Variants in IL16 observed in about 807,000 individuals in gnomAD.
IL16 encodes interleukin 16.
A neutral mutation model predicts 110.1 loss-of-function variants in IL16; 67 were observed. The ratio of observed to expected loss-of-function variants is 0.61; its 90% CI spans 0.50 to 0.75. The LOEUF (loss-of-function observed/expected upper bound fraction) is 0.75. IL16 is among the 30% of genes least tolerant of loss of function. The pLI, the probability that IL16 is intolerant of heterozygous loss-of-function variation, is 0.00. For missense variants in IL16, 1,545 were observed against 1,655.0 expected (o/e 0.93, Z 1.15); for synonymous variants, 689 against 662.9 (o/e 1.04, Z -0.61).
At position 81,309,393 on chromosome 15, in the gene IL16, C is replaced by T. The variant is rs1278500910; in HGVS notation, c.*595C>T. On this transcript the variant is annotated 3_prime_UTR_variant, in exon 19 of 19. Coordinates refer to ENST00000683961, the MANE Select transcript of IL16 (RefSeq NM_172217.5). ...CCTTGTGGCCTGGGCCTCCTCACAA[C>T]ATGGTGTCTGGATTCCCAGGATGAG... is the stretch of plus-strand genomic sequence containing the variant. 1 of 152,564 alleles carries T rather than the reference C, an allele frequency of 6.6e-6. No homozygotes were observed. The highest frequency in any genetic ancestry group is 1.9e-4 in the East Asian group (1 of 5,236). The allele number at this position is 152,564 out of a possible 1,614,324, so 9.5% of individuals were successfully genotyped here.
At chr15:81,207,762 C>G (rs1390982570) in intron 1 of IL16, among the ~76,000 whole-genome samples, 2 of 151,834 alleles carry the variant, frequency 1.3e-5, no homozygotes, top group African/African-American at 4.8e-5. Flanking sequence ...TTTCTTTACT[C>G]CACCGTTAAT....
intron 2 of IL16, among the ~76,000 whole-genome samples, chr15:81,243,062 C>T (rs1897389383): frequency 6.9e-6 from 1 of 144,470 alleles, no homozygotes; most frequent in Admixed American, 7.0e-5. Context: ...AGAATAATTC[C>T]ACTTGGTCAT....
chr15:81,243,159 A>T (rs1352775705), intron 2 of IL16, among the ~76,000 whole-genome samples: 8 of 33,012 alleles, frequency 2.4e-4, no homozygotes, highest in Admixed American at 4.4e-4. Context: ...ATATATATAT[A>T]TATATTTTTT....
chr15:81,296,137 T>C (rs1372440229), intron 12 of IL16, among the ~76,000 whole-genome samples: 1 of 152,248 alleles, frequency 6.6e-6, no homozygotes, highest in African/African-American at 2.4e-5. Context: ...ACTCTGTTTA[T>C]GAAGCAGACA....
At chr15:81,281,729 C>A (rs1596028503) in intron 8 of IL16, among the ~76,000 whole-genome samples, 2 of 152,116 alleles carry the variant, frequency 1.3e-5, no homozygotes, top group South Asian at 4.1e-4. Context: ...GTTACTCAAG[C>A]CAAACAGATC....
chr15:81,249,781 A>C (rs901778001), intron 2 of IL16, among the ~76,000 whole-genome samples: 1 of 152,098 alleles, frequency 6.6e-6, no homozygotes, highest in Non-Finnish European at 1.5e-5. Flanking sequence ...TATTATTCCT[A>C]TTCCCTTCTT....
intron 16 of IL16, 59 bp from the exon 17 acceptor site, chr15:81,305,849 G>C: frequency 6.3e-7 from 1 of 1,579,482 alleles, no homozygotes; most frequent in Non-Finnish European, 8.6e-7. Context: ...TCCTCCTCCA[G>C]CAAGTATGTG....
Position 81,303,256 on chromosome 15 carries a change from AT to A in IL16, c.3319-290del, listed in dbSNP as rs1167855703. 1.2e-5 allele frequency: 4 copies of A among 328,334 alleles called. No individual in the cohort carries two copies. In the East Asian group the frequency reaches 2.5e-4, roughly 20 times the overall value. 20.3% of individuals were successfully genotyped at this position (328,334 alleles called of 1,614,324 possible). A position where few individuals can be genotyped will look rare whatever the true frequency, so the allele number is the denominator to read the frequency against. On this transcript the variant is annotated intron_variant, in intron 15 of 18. Transcript: ENST00000683961. This position sits in a 1 kb window ranked among gnomAD's most constrained non-coding sequence, Gnocchi z 4.1. ...TCATCTCACACTGTCCAATATGCTG[AT>A]TTCTGGCTGACTTCATGGCACTCCC...
At chr15:81,275,362 GGGGGGAGGGGA>G (rs1898857165) in intron 6 of IL16, among the ~76,000 whole-genome samples, 1 of 102,512 alleles carries the variant, frequency 9.8e-6, no homozygotes, top group Non-Finnish European at 2.0e-5. Flanking sequence ...GGGGAGGAGG[GGGGGGAGGGGA>G]GGGGAGGGGA....
At chr15:81,259,719 C>T in intron 2 of IL16, 53 bp from the exon 3 acceptor site, 1 of 1,278,542 alleles carries the variant, frequency 7.8e-7, no homozygotes, top group Non-Finnish European at 1.1e-6. Flanking sequence ...TTTTGCTAAG[C>T]ACAAGTTTTC....
chr15:81,285,520 T>C (rs1899405653), intron 9 of IL16, among the ~76,000 whole-genome samples, 178 bp from the exon 10 acceptor site: 1 of 152,242 alleles, frequency 6.6e-6, no homozygotes, highest in Non-Finnish European at 1.5e-5. Context: ...GGGTATGGGA[T>C]ATGCTACTTT....
chr15:81,190,378 G>GA (rs1369947308), intron 1 of IL16, among the ~76,000 whole-genome samples: 3 of 152,230 alleles, frequency 2.0e-5, no homozygotes, highest in Non-Finnish European at 4.4e-5. Flanking sequence ...GGATGGGTAG[G>GA]AATCTACAGA....
intron 9 of IL16, among the ~76,000 whole-genome samples, chr15:81,284,618 G>T (rs1261116168): frequency 2.6e-5 from 4 of 152,188 alleles, no homozygotes. Context: ...GGTGAAGGAG[G>T]ATGAACTCAG....
chr15:81,281,318 C>T (rs1160693759), intron 8 of IL16, among the ~76,000 whole-genome samples: 1 of 152,214 alleles, frequency 6.6e-6, no homozygotes, highest in Non-Finnish European at 1.5e-5. Flanking sequence ...ACACTGTGCT[C>T]ACTCCATCTG....
In IL16 at chr15:81,269,385, C is replaced by A. The variant is rs371949011; in HGVS notation, c.565-153C>A. Among the ~76,000 whole-genome samples, 6 of 152,228 alleles carry A rather than the reference C, an allele frequency of 3.9e-5. No individual in the cohort carries two copies. In the East Asian group the frequency reaches 1.2e-3, roughly 29 times the overall value. ...CCTCCCCACCATAATCCTACCCACA[C>A]CCCACTAACCACATTCTGGTTGTTA... On this transcript the variant is annotated intron_variant, in intron 4 of 18. Transcript: ENST00000683961.
chr15:81,295,574 G>A, intron 12 of IL16: 1 of 1,152,488 alleles, frequency 8.7e-7, no homozygotes, highest in Non-Finnish European at 1.2e-6. Context: ...GAGACTTAGA[G>A]ATCATCAGGC....
At chr15:81,224,771 A>G (rs1392267200) in intron 1 of IL16, among the ~76,000 whole-genome samples, 1 of 152,154 alleles carries the variant, frequency 6.6e-6, no homozygotes, top group Admixed American at 6.5e-5. Context: ...ACTCAGCTCC[A>G]TGGATTCTGG....
chr15:81,205,713 C>G (rs954980158), intron 1 of IL16, among the ~76,000 whole-genome samples: 50 of 151,756 alleles, frequency 3.3e-4, no homozygotes, highest in Admixed American at 6.6e-5. Context: ...AAAAGGGAAA[C>G]AAAAAAAGCC....
intron 11 of IL16, chr15:81,292,355 G>A: frequency 1.4e-6 from 1 of 717,604 alleles, no homozygotes; most frequent in Non-Finnish European, 2.4e-6. Context: ...CAGAAAGCTT[G>A]AATGATTTTC....
Sources: gnomAD v4.1 joint callset for allele counts (sites outside exome capture counted in the v4.1 genomes callset) on GRCh38, gnomAD v4.1.1 for gene constraint, Gnocchi (gnomAD v3.1) non-coding constraint, MANE v1.5 for transcripts, NCBI Gene and HGNC (gene_info 2026-07-23, HGNC 2026-07-21) for gene names.